The following MIS12 variants were observed in gnomAD, a reference collection of about 807,000 sequenced individuals.
MIS12 encodes MIS12 kinetochore complex component, also known as protein MIS12 homolog.
Under a neutral mutation model 16.5 loss-of-function variants are expected in MIS12, and 13 were observed. The observed-to-expected ratio is 0.79, with a 90% CI of 0.51 to 1.25. MIS12 has a LOEUF of 1.25. Ranked by LOEUF, MIS12 falls within the 50% of genes most tolerant of loss-of-function variation. MIS12 has a pLI of 0.00. For missense variants in MIS12, 199 were observed against 239.5 expected (o/e 0.83, Z 1.12); for synonymous variants, 97 against 87.3 (o/e 1.11, Z -0.62).
chr17:5,489,614 T>C lies in MIS12; in HGVS notation c.*134T>C. The C allele has an allele frequency of 6.7e-6, 7 of 1,044,662 alleles. No individual in the cohort carries two copies. In the South Asian group the frequency reaches 1.1e-4, roughly 17 times the overall value. 64.7% of individuals were successfully genotyped at this position (1,044,662 alleles called of 1,614,324 possible). On this transcript the variant is annotated 3_prime_UTR_variant, in exon 3 of 3. Transcript: ENST00000611091. ...TTTTTATTAGATTTGCTTTGTCAACTCTTTCTTGTATTCTGTGTTTTCCTC... is the reference window on the plus strand; with the variant it reads ...TTTTTATTAGATTTGCTTTGTCAACCCTTTCTTGTATTCTGTGTTTTCCTC...
chr17:5,489,452 A>C lies in MIS12; in HGVS notation c.590A>C (p.Lys197Thr). The C allele has an allele frequency of 6.3e-7, 1 of 1,588,994 alleles. No individual in the cohort carries two copies. The highest frequency in any genetic ancestry group is 8.5e-7 in the Non-Finnish European group (1 of 1,173,152). The change falls in exon 3 of 3, where the codon AAG becomes ACG. Residue 197 changes from lysine to threonine, a missense_variant. By Grantham distance (78) the Lys-to-Thr change is moderately conservative. Transcript: ENST00000611091. The stretch of plus-strand genomic sequence containing the variant: ...CAGAACATTAGAGACAATGTGGAAA[A>C]GGAATCGAAACGACTGAAAATATCT... ...KLQNIRDNVE[K>T]ESKRLKIS is the part of the protein sequence containing the mutation.
At chr17:5,488,625 G>A in intron 2 of MIS12, 36 bp downstream of exon 2, 1 of 459,530 alleles carries the variant, frequency 2.2e-6, no homozygotes, top group South Asian at 2.5e-5. Context: ...GGAAAAGGGA[G>A]GGTATAGGCT....
At position 5,490,176 on chromosome 17, in the gene MIS12, T is replaced by C. The variant is rs1906683421; in HGVS notation, c.*696T>C. The stretch of plus-strand genomic sequence containing the variant: ...TTTCTTTCATGAGGGAGTCAATATG[T>C]AGTGGAAAGAAGCATGTAGCAAAAA... On this transcript the variant is annotated 3_prime_UTR_variant, in exon 3 of 3. Coordinates refer to ENST00000611091, the MANE Select transcript of MIS12 (RefSeq NM_001258217.2). The C allele has an allele frequency of 6.0e-6, 1 of 167,074 alleles. No homozygotes were observed. The highest frequency in any genetic ancestry group is 2.4e-5 in the African/African-American group (1 of 41,446). The allele number at this position is 167,074 out of a possible 1,614,324, so 10.3% of individuals were successfully genotyped here. A position where few individuals can be genotyped will look rare whatever the true frequency, so the allele number is the denominator to read the frequency against.
In MIS12 at chr17:5,489,228, A is replaced by G; in HGVS notation, c.366A>G (p.Glu122=). ...EDFQHLQKEI[E]QLQEKYKTEL... is the part of the protein sequence containing the mutation. Reference sequence around the variant, plus strand: ...TTCAGCATCTCCAGAAAGAAATTGAACAGTTACAGGAGAAGTACAAGACTG... The same window carrying G: ...TTCAGCATCTCCAGAAAGAAATTGAGCAGTTACAGGAGAAGTACAAGACTG... The change falls in exon 3 of 3, where the codon GAA becomes GAG. Residue 122 remains glutamate (E), a synonymous_variant. Transcript: ENST00000611091. 6.2e-7 allele frequency: 1 copy of G among 1,614,210 alleles called. No individual in the cohort carries two copies. The highest frequency in any genetic ancestry group is 8.5e-7 in the Non-Finnish European group (1 of 1,180,048).
At position 5,489,671 on chromosome 17, in the gene MIS12, G is replaced by A; in HGVS notation, c.*191G>A. 1 of 596,844 alleles carries A rather than the reference G, an allele frequency of 1.7e-6. No homozygotes were observed. Among genetic ancestry groups the A allele is most frequent in the Non-Finnish European group, 2.8e-6 (1 of 356,464 alleles). 37.0% of individuals were successfully genotyped at this position (596,844 alleles called of 1,614,324 possible). A position where few individuals can be genotyped will look rare whatever the true frequency, so the allele number is the denominator to read the frequency against. On this transcript the variant is annotated 3_prime_UTR_variant, in exon 3 of 3. Coordinates refer to ENST00000611091, the MANE Select transcript of MIS12 (RefSeq NM_001258217.2). ...GGTCCACTTTGCTGAGGTATGAAGTGTACTACTTTGAACTAGGCTGAAGCA... is the reference window on the plus strand; with the variant it reads ...GGTCCACTTTGCTGAGGTATGAAGTATACTACTTTGAACTAGGCTGAAGCA...
chr17:5,489,182 C>T lies in MIS12; in HGVS notation c.320C>T (p.Thr107Ile), dbSNP rs756004038. ...ILLPEDKCKE[T>I]PYSEEDFQHL... is the part of the protein sequence containing the mutation. ...CTTCCTGAAGATAAATGTAAGGAGA[C>T]ACCTTATAGTGAGGAAGATTTTCAG... The change falls in exon 3 of 3, where the codon ACA (threonine) becomes ATA (isoleucine). Residue 107 changes from threonine (T) to isoleucine (I), a missense_variant. Physicochemically the swap from Thr to Ile is moderately conservative, Grantham distance 89. Transcript: ENST00000611091. 1.2e-6 allele frequency: 2 copies of T among 1,614,190 alleles called. No homozygotes were observed. Among genetic ancestry groups the T allele is most frequent in the Non-Finnish European group, 1.7e-6 (2 of 1,180,032 alleles).
rs779282693 is a variant in MIS12 at position 5,488,909 on chromosome 17, C to T, written c.47C>T (p.Thr16Met). The change falls in exon 3 of 3, where the codon ACG becomes ATG. Residue 16 changes from threonine (T) to methionine (M), a missense_variant. By Grantham distance (81) the Thr-to-Met change is moderately conservative (BLOSUM62 -1). Coordinates refer to ENST00000611091, the MANE Select transcript of MIS12 (RefSeq NM_001258217.2). ...TACGAGGCCCAGTTCTTTGGCTTCACGCCACAAACGTGCATGCTTCGGATC... is the reference window on the plus strand; with the variant it reads ...TACGAGGCCCAGTTCTTTGGCTTCATGCCACAAACGTGCATGCTTCGGATC... ...MTYEAQFFGF[T>M]PQTCMLRIYI... is the part of the protein sequence containing the mutation. The T allele has an allele frequency of 2.0e-5, 33 of 1,614,110 alleles. No individual in the cohort carries two copies. The highest frequency in any genetic ancestry group is 2.2e-5 in the East Asian group (1 of 44,882).
Position 5,489,840 on chromosome 17 carries a change from G to C in MIS12, c.*360G>C, listed in dbSNP as rs1408719710. 7 of 183,410 alleles carry C rather than the reference G, an allele frequency of 3.8e-5. No individual in the cohort carries two copies. The East Asian group carries it at 1.1e-3, about 30-fold the overall frequency. The allele number at this position is 183,410 out of a possible 1,614,324, so 11.4% of individuals were successfully genotyped here. A position where few individuals can be genotyped will look rare whatever the true frequency, so the allele number is the denominator to read the frequency against. On this transcript the variant is annotated 3_prime_UTR_variant, in exon 3 of 3. Transcript: ENST00000611091. Reference sequence around the variant, plus strand: ...CTTTGGATGAGACCAGACAAGAAAAGGATTAAACGGGTGGCTCCTTTAATA... The same window carrying C: ...CTTTGGATGAGACCAGACAAGAAAACGATTAAACGGGTGGCTCCTTTAATA...
upstream of MIS12, chr17:5,486,374 A>G: frequency 2.6e-6 from 1 of 379,250 alleles, no homozygotes; most frequent in Middle Eastern, 6.6e-4. Flanking sequence ...CCAGCGCCCC[A>G]TCTCCCCACC....
At position 5,489,021 on chromosome 17, in the gene MIS12, T is replaced by C. The variant is rs1370509920; in HGVS notation, c.159T>C (p.Cys53=). The change falls in exon 3 of 3, where the codon TGT becomes TGC. Residue 53 remains cysteine (C), a synonymous_variant. Transcript: ENST00000611091. The part of the protein sequence containing the change: ...ILKKLDGIPD[C]DISPVQIRKC... The stretch of plus-strand genomic sequence containing the variant: ...AGAAGCTGGATGGCATCCCAGACTG[T>C]GACATTAGCCCAGTGCAGATTCGCA... 2 of 1,614,134 alleles carry C rather than the reference T, an allele frequency of 1.2e-6. No individual in the cohort carries two copies. The highest frequency in any genetic ancestry group is 1.3e-5 in the African/African-American group (1 of 74,952).
chr17:5,490,782 A>G lies in MIS12; in HGVS notation c.*1302A>G, dbSNP rs910907681. 2 of 166,744 alleles carry G rather than the reference A, an allele frequency of 1.2e-5. No homozygotes were observed. Among genetic ancestry groups the G allele is most frequent in the Non-Finnish European group, 2.9e-5 (2 of 68,116 alleles). The allele number at this position is 166,744 out of a possible 1,614,324, so 10.3% of individuals were successfully genotyped here. A position where few individuals can be genotyped will look rare whatever the true frequency, so the allele number is the denominator to read the frequency against. On this transcript the variant is annotated 3_prime_UTR_variant, in exon 3 of 3. Transcript: ENST00000611091. ...TTATTATCAAGAAGTCCTTTTTCCA[A>G]TTCTGTACATTAAATATATGTGTTT...
intron 2 of MIS12, 85 bp from the exon 3 acceptor site, chr17:5,488,738 T>G: frequency 9.5e-6 from 10 of 1,054,866 alleles, no homozygotes; most frequent in Non-Finnish European, 1.3e-5. Context: ...ATTTGCTTCT[T>G]TGTTTGCTAT....
rs1355212467 is a variant in MIS12, at chr17:5,489,842, A to G, written c.*362A>G. 1 of 183,596 alleles carries G rather than the reference A, an allele frequency of 5.4e-6. No individual in the cohort carries two copies. The highest frequency in any genetic ancestry group is 1.6e-4 in the East Asian group (1 of 6,098). 11.4% of individuals were successfully genotyped at this position (183,596 alleles called of 1,614,324 possible). On this transcript the variant is annotated 3_prime_UTR_variant, in exon 3 of 3. Coordinates refer to ENST00000611091, the MANE Select transcript of MIS12 (RefSeq NM_001258217.2). ...TTGGATGAGACCAGACAAGAAAAGG[A>G]TTAAACGGGTGGCTCCTTTAATATT... is the stretch of plus-strand genomic sequence containing the variant.
In MIS12 at chr17:5,489,231, G is replaced by T; in HGVS notation, c.369G>T (p.Gln123His). ...DFQHLQKEIEQLQEKYKTELC... is the reference protein window; with the variant it reads ...DFQHLQKEIEHLQEKYKTELC... ...AGCATCTCCAGAAAGAAATTGAACA[G>T]TTACAGGAGAAGTACAAGACTGAAT... Residue 123 changes from glutamine (Q) to histidine (H), a missense_variant, in exon 3 of 3, where the codon CAG becomes CAT. Gln to His is a conservative substitution (Grantham distance 24, BLOSUM62 0). Coordinates refer to ENST00000611091, the MANE Select transcript of MIS12 (RefSeq NM_001258217.2). 2 of 1,614,154 alleles carry T rather than the reference G, an allele frequency of 1.2e-6. No homozygotes were observed. Among genetic ancestry groups the T allele is most frequent in the Non-Finnish European group, 1.7e-6 (2 of 1,180,032 alleles).
Position 5,488,838 on chromosome 17 carries a change from AAAC to A in MIS12, c.-20_-18del, listed in dbSNP as rs1906560644. The A allele has an allele frequency of 6.3e-7, 1 of 1,583,104 alleles. No homozygotes were observed. The highest frequency in any genetic ancestry group is 1.2e-5 in the South Asian group (1 of 86,186). On this transcript the variant is annotated 5_prime_UTR_variant, in exon 3 of 3. Coordinates refer to ENST00000611091, the MANE Select transcript of MIS12 (RefSeq NM_001258217.2). ...ACATTTGCAGGTTTTTCACGACTGA[AAAC>A]AACATAGCAAAATAAGCCAAGATGT...
chr17:5,486,830 C>T (rs1242021991), intron 1 of MIS12, 146 bp downstream of exon 1: 3 of 152,606 alleles, frequency 2.0e-5, no homozygotes, highest in Non-Finnish European at 4.4e-5. Context: ...AGCGCGGGCG[C>T]GGGGCCCGAC....
At chr17:5,486,490 A>C, upstream of MIS12, 4 of 228,188 alleles carry the variant, frequency 1.8e-5, no homozygotes, top group East Asian at 1.0e-4. Flanking sequence ...CCTTTCTGTC[A>C]TAATTGAGGT....
intron 1 of MIS12, chr17:5,487,513 C>T (rs1906446421): frequency 6.6e-6 from 1 of 152,094 alleles, no homozygotes; most frequent in Admixed American, 6.5e-5. Context: ...CATATTTAAC[C>T]ATTACAAACG....
rs1906679505 is a variant in MIS12 at position 5,490,154 on chromosome 17, C to G, written c.*674C>G. On this transcript the variant is annotated 3_prime_UTR_variant, in exon 3 of 3. Coordinates refer to ENST00000611091, the MANE Select transcript of MIS12 (RefSeq NM_001258217.2). ...TACTTGCTCTCGTCCTGTGAATTTT[C>G]TTTCATGAGGGAGTCAATATGTAGT... 6.0e-6 allele frequency: 1 copy of G among 167,052 alleles called. No individual in the cohort carries two copies. Among genetic ancestry groups the G allele is most frequent in the Admixed American group, 6.5e-5 (1 of 15,280 alleles). 10.3% of individuals were successfully genotyped at this position (167,052 alleles called of 1,614,324 possible). A position where few individuals can be genotyped will look rare whatever the true frequency, so the allele number is the denominator to read the frequency against.
Sources: gnomAD v4.1 joint callset for allele counts on GRCh38, gnomAD v4.1.1 for gene constraint, MANE v1.5 for transcripts, NCBI Gene and HGNC (gene_info 2026-07-23, HGNC 2026-07-21) for gene names.